The following ALDH5A1 variants were observed in gnomAD, a reference collection of about 807,000 sequenced individuals.
ALDH5A1 encodes the protein succinate-semialdehyde dehydrogenase, mitochondrial.
Under a neutral mutation model 54.7 loss-of-function variants are expected in ALDH5A1, and 33 were observed. That is an observed-to-expected ratio of 0.60 (90% CI 0.46 to 0.81). The LOEUF (loss-of-function observed/expected upper bound fraction) is 0.81, where lower values mean the gene tolerates loss of function less well. Ranked by LOEUF, ALDH5A1 falls within the 30% of genes least tolerant of loss-of-function variation. The pLI is 0.00. For synonymous variants in ALDH5A1, 294 were observed against 292.7 expected (o/e 1.00, Z -0.05); for missense variants, 657 against 711.0 (o/e 0.92, Z 0.86).
At position 24,533,622 on chromosome 6, in the gene ALDH5A1, A is replaced by C; in HGVS notation, c.1518A>C (p.Gly506=). Residue 506 remains glycine (G), a synonymous_variant, in exon 10 of 10, where the codon GGA becomes GGC. Transcript: ENST00000357578. ...CCTCTGTGGAGTGCCCTTTTGGTGGAGTGAAGCAGTCCGGCCTTGGGCGAG... is the reference window on the plus strand; with the variant it reads ...CCTCTGTGGAGTGCCCTTTTGGTGGCGTGAAGCAGTCCGGCCTTGGGCGAG... ...LISSVECPFG[G]VKQSGLGREG... is the part of the protein sequence containing the mutation. 6.2e-7 allele frequency: 1 copy of C among 1,614,096 alleles called. No homozygotes were observed. Among genetic ancestry groups the C allele is most frequent in the Admixed American group, 1.7e-5 (1 of 60,008 alleles).
At position 24,515,358 on chromosome 6, in the gene ALDH5A1, A is replaced by T. The variant is rs1759550224; in HGVS notation, c.870+48A>T. 3.1e-6 allele frequency: 5 copies of T among 1,591,138 alleles called. No homozygotes were observed. The South Asian group carries it at 3.3e-5, about 11-fold the overall frequency. On this transcript the variant is annotated intron_variant, in intron 5 of 9. Transcript: ENST00000357578. ...AAAACAAATGTCTTTCTAATATTTTATCTTGATAGGTTATAAAAATACTAT... is the reference window on the plus strand; with the variant it reads ...AAAACAAATGTCTTTCTAATATTTTTTCTTGATAGGTTATAAAAATACTAT...
At position 24,532,160 on chromosome 6, in the gene ALDH5A1, C is replaced by T; in HGVS notation, c.1385C>T (p.Ala462Val). 6.2e-7 allele frequency: 1 copy of T among 1,614,176 alleles called. No individual in the cohort carries two copies. The highest frequency in any genetic ancestry group is 1.3e-5 in the African/African-American group (1 of 75,058). Residue 462 changes from alanine (A) to valine (V), a missense_variant, in exon 9 of 10, where the codon GCT (alanine) becomes GTT (valine). Ala to Val is a moderately conservative substitution (Grantham distance 64, BLOSUM62 0). Around this residue, in one of 2 missense-constraint regions of ALDH5A1, gnomAD observed 425 missense variants for 516.4 expected, o/e 0.82. Coordinates refer to ENST00000357578, the MANE Select transcript of ALDH5A1 (RefSeq NM_001080.3). Reference protein sequence around the residue: ...EEEAIAIANAADVGLAGYFYS... With the variant: ...EEEAIAIANAVDVGLAGYFYS... ...GAGGCTATAGCAATCGCTAACGCAGCTGATGTTGGGTTAGCAGGTAGGTGT... is the reference window on the plus strand; with the variant it reads ...GAGGCTATAGCAATCGCTAACGCAGTTGATGTTGGGTTAGCAGGTAGGTGT...
intron 7 of ALDH5A1, among the ~76,000 whole-genome samples, chr6:24,525,481 T>C (rs1421420137): frequency 1.3e-5 from 2 of 151,436 alleles, no homozygotes; most frequent in Non-Finnish European, 2.9e-5. Flanking sequence ...GTGGGTCACT[T>C]GAGGTCAGGA....
In ALDH5A1 at chr6:24,533,490, C is replaced by A. The variant is rs1193922749; in HGVS notation, c.1403-17C>A. On this transcript the variant is annotated splice_polypyrimidine_tract_variant and intron_variant, in intron 9 of 9. Coordinates refer to ENST00000357578, the MANE Select transcript of ALDH5A1 (RefSeq NM_001080.3). ...GACTCTTCTAAATGCCATATATGTCCTTTTATCCTGTGACAGGTTATTTTT... is the reference window on the plus strand; with the variant it reads ...GACTCTTCTAAATGCCATATATGTCATTTTATCCTGTGACAGGTTATTTTT... The A allele has an allele frequency of 6.2e-7, 1 of 1,613,218 alleles. No individual in the cohort carries two copies. Among genetic ancestry groups the A allele is most frequent in the African/African-American group, 1.3e-5 (1 of 74,882 alleles).
chr6:24,517,641 C>T (rs759742929), intron 5 of ALDH5A1, among the ~76,000 whole-genome samples: 9 of 152,228 alleles, frequency 5.9e-5, no homozygotes, highest in Non-Finnish European at 1.2e-4. Flanking sequence ...TCTAACAGGG[C>T]TCCAGGAAAA....
chr6:24,502,185 C>T (rs1333346694), intron 1 of ALDH5A1, among the ~76,000 whole-genome samples: 8 of 152,128 alleles, frequency 5.3e-5, no homozygotes, highest in Non-Finnish European at 1.2e-4. Flanking sequence ...GATGTCCTAG[C>T]TCATGCAGAG....
At position 24,532,113 on chromosome 6, in the gene ALDH5A1, T is replaced by C. The variant is rs368212282; in HGVS notation, c.1344-6T>C. The C allele has an allele frequency of 2.0e-4, 330 of 1,613,990 alleles. No homozygotes were observed. Among genetic ancestry groups the C allele is most frequent in the Non-Finnish European group, 2.6e-4 (311 of 1,179,944 alleles). ...CATTTTTTATGACCTATCTTAACTT[T>C]GGCAGGTTCGATACAGAGGAGGAGG... On this transcript the variant is annotated splice_polypyrimidine_tract_variant and splice_region_variant and intron_variant, in intron 8 of 9. Transcript: ENST00000357578.
intron 6 of ALDH5A1, among the ~76,000 whole-genome samples, chr6:24,521,100 G>A (rs1759675628): frequency 6.6e-6 from 1 of 152,226 alleles, no homozygotes; most frequent in Non-Finnish European, 1.5e-5. Context: ...ATGACCCAGT[G>A]GGGCCTCGCT....
chr6:24,502,636 G>T (rs745877588), intron 2 of ALDH5A1, 30 bp downstream of exon 2: 7 of 1,568,884 alleles, frequency 4.5e-6, no homozygotes, highest in Non-Finnish European at 6.1e-6. Flanking sequence ...TTGGTGCACT[G>T]AGAAATTCTC....
chr6:24,512,429 C>A (rs987630677), intron 4 of ALDH5A1, among the ~76,000 whole-genome samples: 2 of 152,210 alleles, frequency 1.3e-5, no homozygotes, highest in African/African-American at 4.8e-5. Flanking sequence ...TCTTTCTTTT[C>A]ACCTTCGATT....
chr6:24,507,364 T>G (rs1235269873), intron 4 of ALDH5A1, among the ~76,000 whole-genome samples: 4 of 152,202 alleles, frequency 2.6e-5, no homozygotes, highest in African/African-American at 7.2e-5. Flanking sequence ...CTCTATTTTC[T>G]TCTGATATAA....
At chr6:24,522,492 T>TGTGTGTGTGTGG in intron 6 of ALDH5A1, 1 of 367,770 alleles carries the variant, frequency 2.7e-6, no homozygotes, top group Non-Finnish European at 5.2e-6. Flanking sequence ...TGTGTGTGTG[T>TGTGTGTGTGTGG]GTGTGTGTGT....
chr6:24,503,237 G>A lies in ALDH5A1; in HGVS notation c.439-26G>A, dbSNP rs774973120. The A allele has an allele frequency of 4.2e-5, 67 of 1,610,922 alleles. No individual in the cohort carries two copies. The South Asian group carries it at 4.9e-4, about 12-fold the overall frequency. On this transcript the variant is annotated intron_variant, in intron 2 of 9. Coordinates refer to ENST00000357578, the MANE Select transcript of ALDH5A1 (RefSeq NM_001080.3). The stretch of plus-strand genomic sequence containing the variant: ...TGCTTTTATTATTAGAAGGTAATAC[G>A]TGGGTTCTTTTCTGATTTAATTTAG...
At chr6:24,515,097 C>CTTTTATTTTTT in intron 4 of ALDH5A1, 70 bp from the exon 5 acceptor site, 1 of 1,311,220 alleles carries the variant, frequency 7.6e-7, no homozygotes. Flanking sequence ...ATTTATTTCT[C>CTTTTATTTTTT]TTTTCTTTTT....
At chr6:24,522,625 G>C (rs372722927) in intron 6 of ALDH5A1, 142 bp from the exon 7 acceptor site, 3 of 962,680 alleles carry the variant, frequency 3.1e-6, no homozygotes, top group Non-Finnish European at 3.3e-6. Context: ...CCAAGCCCAC[G>C]TGAGGAGGAA....
intron 4 of ALDH5A1, chr6:24,511,760 A>G (rs1759466144): frequency 7.5e-6 from 3 of 401,242 alleles, no homozygotes; most frequent in Admixed American, 8.9e-5. Flanking sequence ...GACTTCCTTA[A>G]ATTGGGCTTC....
rs748553663 is a variant in ALDH5A1, at chr6:24,503,397, C to G, written c.573C>G (p.Leu191=). The part of the protein sequence containing the change: ...TPAKDRRALV[L]KQPIGVAAVI... ...CAAAGGACAGGCGGGCCCTGGTCCT[C>G]AAGCAGCCCATAGGCGTGGCTGCAG... is the stretch of plus-strand genomic sequence containing the variant. The change falls in exon 3 of 10, where the codon CTC becomes CTG. Residue 191 remains leucine, a synonymous_variant. Transcript: ENST00000357578. 6.2e-7 allele frequency: 1 copy of G among 1,613,530 alleles called. No individual in the cohort carries two copies. Among genetic ancestry groups the G allele is most frequent in the Non-Finnish European group, 8.5e-7 (1 of 1,179,996 alleles).
Position 24,534,105 on chromosome 6 carries a change from C to T in ALDH5A1, c.*393C>T, listed in dbSNP as rs1296281242. Reference sequence around the variant, plus strand: ...GTCGCTACAGAACATGGGCCCAGAGCACCTTGAAGGAGACCCTTGACTGTG... The same window carrying T: ...GTCGCTACAGAACATGGGCCCAGAGTACCTTGAAGGAGACCCTTGACTGTG... On this transcript the variant is annotated 3_prime_UTR_variant, in exon 10 of 10. Transcript: ENST00000357578. 1 of 245,984 alleles carries T rather than the reference C, an allele frequency of 4.1e-6. No individual in the cohort carries two copies. The highest frequency in any genetic ancestry group is 8.0e-6 in the Non-Finnish European group (1 of 124,690). The allele number at this position is 245,984 out of a possible 1,614,324, so 15.2% of individuals were successfully genotyped here.
At position 24,495,094 on chromosome 6, in the gene ALDH5A1, C is replaced by A; in HGVS notation, c.98C>A (p.Pro33His). 7.6e-7 allele frequency: 1 copy of A among 1,320,266 alleles called. No homozygotes were observed. The allele number at this position is 1,320,266 out of a possible 1,614,324, so 81.8% of individuals were successfully genotyped here. The change falls in exon 1 of 10, where the codon CCT becomes CAT. Residue 33 changes from proline (P) to histidine (H), a missense_variant. By Grantham distance (77) the Pro-to-His change is moderately conservative. Transcript: ENST00000357578. Reference sequence around the variant, plus strand: ...CGCCCCCGCGCCGGCGGCCTGGTCCCTGCCTCCGGGCCTGCGCCCGGCCCG... The same window carrying A: ...CGCCCCCGCGCCGGCGGCCTGGTCCATGCCTCCGGGCCTGCGCCCGGCCCG... ...RLRPRAGGLV[P>H]ASGPAPGPAQ...
Sources: allele counts gnomAD v4.1 joint callset (sites outside exome capture counted in the v4.1 genomes callset), GRCh38; gene constraint gnomAD v4.1.1; regional missense constraint gnomAD v4.1.1; transcripts MANE v1.5; gene names NCBI Gene and HGNC (gene_info 2026-07-23, HGNC 2026-07-21).